Variants in ADAM22 observed in about 807,000 individuals in gnomAD.
ADAM22 encodes ADAM metallopeptidase domain 22.
A neutral mutation model predicts 144.6 loss-of-function variants in ADAM22; 65 were observed. That is an observed-to-expected ratio of 0.45 (90% CI 0.37 to 0.55). The LOEUF (loss-of-function observed/expected upper bound fraction) is 0.55, where lower values mean the gene tolerates loss of function less well. Ranked by LOEUF, ADAM22 falls within the 20% of genes least tolerant of loss-of-function variation. The pLI, the probability that ADAM22 is intolerant of heterozygous loss-of-function variation, is 0.00. For missense variants in ADAM22, 974 were observed against 1,184.9 expected (o/e 0.82, Z 2.61); for synonymous variants, 391 against 412.6 (o/e 0.95, Z 0.63).
intron 14 of ADAM22, among the ~76,000 whole-genome samples, chr7:88,137,518 A>G (rs1297070557): frequency 6.6e-6 from 1 of 152,210 alleles, no homozygotes; most frequent in Non-Finnish European, 1.5e-5. Flanking sequence ...TACATTAATT[A>G]CCAACTTCAT....
intron 4 of ADAM22, among the ~76,000 whole-genome samples, chr7:88,080,398 A>C (rs1214654966): frequency 6.6e-6 from 1 of 152,238 alleles, no homozygotes; most frequent in Non-Finnish European, 1.5e-5. Flanking sequence ...AAAGCAGGAA[A>C]GGTGTAAAAT....
At chr7:88,102,288 T>C (rs1262689815) in intron 4 of ADAM22, among the ~76,000 whole-genome samples, 1 of 151,986 alleles carries the variant, frequency 6.6e-6, no homozygotes, top group Non-Finnish European at 1.5e-5. Context: ...CCTGGGGCCC[T>C]ACCTCCTTGG....
intron 4 of ADAM22, among the ~76,000 whole-genome samples, chr7:88,105,304 T>A (rs1187982022): frequency 6.6e-6 from 1 of 152,188 alleles, no homozygotes; most frequent in Non-Finnish European, 1.5e-5. Flanking sequence ...GAGAAGAAGG[T>A]CTGATTCGGT....
intron 3 of ADAM22, among the ~76,000 whole-genome samples, chr7:87,996,766 C>T (rs762970526): frequency 1.3e-5 from 2 of 152,190 alleles, no homozygotes; most frequent in Non-Finnish European, 2.9e-5. Flanking sequence ...CAAATTGGTT[C>T]GCAGCATAGT....
Position 88,114,576 on chromosome 7 carries a change from G to T in ADAM22, c.474-8G>T, listed in dbSNP as rs371816665. 1.2e-6 allele frequency: 2 copies of T among 1,613,328 alleles called. No individual in the cohort carries two copies. Among genetic ancestry groups the T allele is most frequent in the Admixed American group, 1.7e-5 (1 of 59,904 alleles). Reference sequence around the variant, plus strand: ...GGCCATGCCTAATTATTTTTTTGTCGTTGGCAGTGGGATGTTCTATGACGG... The same window carrying T: ...GGCCATGCCTAATTATTTTTTTGTCTTTGGCAGTGGGATGTTCTATGACGG... On this transcript the variant is annotated splice_region_variant and splice_polypyrimidine_tract_variant and intron_variant, in intron 5 of 31. Coordinates refer to ENST00000413139, the MANE Select transcript of ADAM22 (RefSeq NM_001324418.2).
intron 3 of ADAM22, among the ~76,000 whole-genome samples, chr7:88,034,645 A>C (rs1333321933): frequency 1.3e-5 from 2 of 152,068 alleles, no homozygotes; most frequent in Non-Finnish European, 2.9e-5. Context: ...ACTGTCTTTC[A>C]GGTTTATTTA....
At chr7:88,007,559 C>G (rs1794245413) in intron 3 of ADAM22, among the ~76,000 whole-genome samples, 1 of 152,118 alleles carries the variant, frequency 6.6e-6, no homozygotes, top group African/African-American at 2.4e-5. Flanking sequence ...ACGTATAGAT[C>G]AATGGAACAG....
intron 2 of ADAM22, among the ~76,000 whole-genome samples, chr7:87,942,934 G>A (rs1842759644): frequency 6.6e-6 from 1 of 151,918 alleles, no homozygotes; most frequent in South Asian, 2.1e-4. Flanking sequence ...CATAGAACTA[G>A]CAGTACCAGA....
intron 20 of ADAM22, among the ~76,000 whole-genome samples, chr7:88,152,180 A>G (rs990671156): frequency 6.6e-6 from 1 of 152,198 alleles, no homozygotes; most frequent in East Asian, 1.9e-4. Flanking sequence ...AAAAGATATC[A>G]TTTTTGTTTT....
chr7:88,140,560 A>G (rs1834306326), intron 14 of ADAM22, among the ~76,000 whole-genome samples: 1 of 152,214 alleles, frequency 6.6e-6, no homozygotes, highest in Non-Finnish European at 1.5e-5. Flanking sequence ...AACTCTTCAC[A>G]GGAATGCAAG....
At chr7:87,950,915 T>C (rs1189213511) in intron 2 of ADAM22, among the ~76,000 whole-genome samples, 3 of 150,736 alleles carry the variant, frequency 2.0e-5, no homozygotes, top group South Asian at 4.2e-4. Context: ...TTTCATGTGT[T>C]TTTTGGCTGC....
At chr7:87,945,946 T>C (rs1158276243) in intron 2 of ADAM22, among the ~76,000 whole-genome samples, 1 of 152,114 alleles carries the variant, frequency 6.6e-6, no homozygotes, top group Non-Finnish European at 1.5e-5. Context: ...GTAAGTTCTT[T>C]GAGAAATTTC....
At chr7:87,944,399 G>C (rs1843077328) in intron 2 of ADAM22, among the ~76,000 whole-genome samples, 1 of 152,118 alleles carries the variant, frequency 6.6e-6, no homozygotes, top group Admixed American at 6.6e-5. Context: ...GACAGAACCT[G>C]GTTCTGCAGA....
intron 3 of ADAM22, among the ~76,000 whole-genome samples, chr7:88,004,975 G>C (rs964671382): frequency 2.0e-5 from 3 of 152,154 alleles, no homozygotes; most frequent in African/African-American, 7.2e-5. Flanking sequence ...CTAAATGTGA[G>C]AATTTAATGC....
At chr7:88,053,845 T>C (rs1807370114) in intron 3 of ADAM22, among the ~76,000 whole-genome samples, 5 of 151,266 alleles carry the variant, frequency 3.3e-5, no homozygotes, top group Non-Finnish European at 7.4e-5. Flanking sequence ...CAAATGGTGC[T>C]GTGGGCTGGG....
intron 4 of ADAM22, among the ~76,000 whole-genome samples, chr7:88,089,378 G>T (rs891316573): frequency 1.3e-4 from 20 of 152,236 alleles, no homozygotes; most frequent in South Asian, 8.3e-4. Context: ...GTAGAGACTT[G>T]TGTGTTTTTT....
intron 20 of ADAM22, among the ~76,000 whole-genome samples, chr7:88,151,719 A>T (rs886650998): frequency 6.6e-6 from 1 of 152,184 alleles, no homozygotes; most frequent in Admixed American, 6.6e-5. Context: ...CTTAACTTAG[A>T]ACAGCAGCAT....
At chr7:88,087,840 A>G (rs1818821922) in intron 4 of ADAM22, among the ~76,000 whole-genome samples, 1 of 152,218 alleles carries the variant, frequency 6.6e-6, no homozygotes, top group Non-Finnish European at 1.5e-5. Context: ...GAGTTTGTAC[A>G]GAGACATCCG....
chr7:88,134,569 C>A, intron 13 of ADAM22, 150 bp downstream of exon 13: 1 of 561,548 alleles, frequency 1.8e-6, no homozygotes, highest in Non-Finnish European at 3.1e-6. Context: ...CTGTTGTTTT[C>A]CAAAGTAATA....
Sources: allele counts gnomAD v4.1 joint callset (sites outside exome capture counted in the v4.1 genomes callset), GRCh38; gene constraint gnomAD v4.1.1; transcripts MANE v1.5; gene names NCBI Gene and HGNC (gene_info 2026-07-23, HGNC 2026-07-21).